The following KCNMA1 variants were observed in gnomAD, a reference collection of about 807,000 sequenced individuals.
KCNMA1 encodes the protein potassium calcium-activated channel subfamily M alpha 1, also known as Calcium-activated potassium channel subunit alpha-1.
In KCNMA1, 29 loss-of-function variants were observed where a neutral mutation model predicts 140.0. The ratio of observed to expected loss-of-function variants is 0.21; its 90% confidence interval spans 0.15 to 0.28. The LOEUF is 0.28. KCNMA1 is among the 10% of genes least tolerant of loss of function. The pLI, the probability that KCNMA1 is intolerant of heterozygous loss-of-function variation, is 1.00. For missense variants in KCNMA1, 880 were observed against 1,602.2 expected, an observed-to-expected ratio of 0.55 and a Z score of 7.70; for synonymous variants, 612 against 611.9, an observed-to-expected ratio of 1.00 and a Z score of 0.00.
At chr10:77,278,607 T>C (rs2067388691) in intron 2 of KCNMA1, among the ~76,000 whole-genome samples, 1 of 152,186 alleles carries the variant, frequency 6.6e-6, no homozygotes, top group Non-Finnish European at 1.5e-5. Flanking sequence ...TGGAAATTTG[T>C]AATGGCAGTG....
chr10:76,948,943 G>A (rs989891686), intron 22 of KCNMA1, 199 bp downstream of exon 22: 2 of 633,200 alleles, frequency 3.2e-6, no homozygotes, highest in African/African-American at 1.8e-5. Context: ...GACTGAACTT[G>A]GCTGCAAATT....
At chr10:76,901,007 T>A (rs564862626) in intron 25 of KCNMA1, among the ~76,000 whole-genome samples, 1 of 152,156 alleles carries the variant, frequency 6.6e-6, no homozygotes, top group African/African-American at 2.4e-5. Context: ...ATAACAAAAA[T>A]TTTTTAAAGC....
At chr10:76,894,084 C>T (rs2041454373) in intron 25 of KCNMA1, among the ~76,000 whole-genome samples, 1 of 152,106 alleles carries the variant, frequency 6.6e-6, no homozygotes, top group Admixed American at 6.5e-5. Context: ...TCAAAACATA[C>T]TACAAGACTA....
At chr10:77,209,268 A>C (rs1215308360) in intron 3 of KCNMA1, among the ~76,000 whole-genome samples, 1 of 152,204 alleles carries the variant, frequency 6.6e-6, no homozygotes, top group Non-Finnish European at 1.5e-5. Flanking sequence ...CTTCATAGGA[A>C]AAAAAATGGT....
chr10:77,542,668 A>G (rs922366311), intron 1 of KCNMA1, among the ~76,000 whole-genome samples: 13 of 152,124 alleles, frequency 8.5e-5, no homozygotes, highest in African/African-American at 3.1e-4. Context: ...ACAAAAAAAC[A>G]AAAACCAATA....
At chr10:77,301,876 C>T (rs2076610120) in intron 2 of KCNMA1, among the ~76,000 whole-genome samples, 1 of 150,684 alleles carries the variant, frequency 6.6e-6, no homozygotes, top group Non-Finnish European at 1.5e-5. Flanking sequence ...CTAATGTTTT[C>T]AACCCATCAG....
intron 21 of KCNMA1, 187 bp from the exon 22 acceptor site, chr10:76,949,553 G>A: frequency 1.6e-6 from 1 of 623,744 alleles, no homozygotes; most frequent in Non-Finnish European, 2.8e-6. Context: ...ACGTGTATAT[G>A]TATTATATTT....
At chr10:76,971,681 CTG>C (rs1009850974) in intron 19 of KCNMA1, among the ~76,000 whole-genome samples, 16 of 152,144 alleles carry the variant, frequency 1.1e-4, no homozygotes, top group Non-Finnish European at 2.9e-5. Context: ...CAGGCCGAGA[CTG>C]TATCAGTCAT....
At position 77,108,872 on chromosome 10, in the gene KCNMA1, A is replaced by C. The variant is rs574799998; in HGVS notation, c.1132-300T>G. ...GATATCTAGTTCTTCTTGCTGAAGA[A>C]AAATAGGCAAGAGGGGGACATGCTA... On this transcript the variant is annotated intron_variant, in intron 8 of 27. Transcript: ENST00000286628. This position sits in a 1 kb window ranked among gnomAD's most constrained non-coding sequence, Gnocchi z 4.6. 2.2e-4 allele frequency among the ~76,000 whole-genome samples: 34 copies of C among 152,148 alleles called. No individual in the cohort carries two copies. The highest frequency in any genetic ancestry group is 4.7e-4 in the Non-Finnish European group (32 of 68,040).
At chr10:77,215,367 C>CTGTTT (rs71028261) in intron 3 of KCNMA1, among the ~76,000 whole-genome samples, 38,341 of 147,098 alleles carry the variant, frequency 0.26, 5,378 homozygotes, top group Non-Finnish European at 0.28. Flanking sequence ...CAGATTGCAC[C>CTGTTT]TGTTTTGTTT....
At chr10:77,405,692 A>T (rs1026335671) in intron 1 of KCNMA1, among the ~76,000 whole-genome samples, 1 of 152,258 alleles carries the variant, frequency 6.6e-6, no homozygotes, top group African/African-American at 2.4e-5. Flanking sequence ...AGATGCCAGC[A>T]AATTATGTTC....
At chr10:76,944,655 G>C in intron 23 of KCNMA1, 118 bp downstream of exon 23, 1 of 932,866 alleles carries the variant, frequency 1.1e-6, no homozygotes, top group Non-Finnish European at 1.7e-6. Context: ...GGTGACCGCA[G>C]GTTTCACTGC....
chr10:77,417,389 C>T (rs1199829174), intron 1 of KCNMA1, among the ~76,000 whole-genome samples: 1 of 152,220 alleles, frequency 6.6e-6, no homozygotes, highest in East Asian at 1.9e-4. Flanking sequence ...TAAATTAAAT[C>T]TCTGCTCAGT....
intron 3 of KCNMA1, among the ~76,000 whole-genome samples, chr10:77,203,817 C>G (rs1452157456): frequency 1.3e-5 from 2 of 152,120 alleles, no homozygotes; most frequent in African/African-American, 4.8e-5. Context: ...TTAAATTAGG[C>G]TAGGCGTGAT....
chr10:77,324,965 CTCTCTCTGTG>C lies in KCNMA1; in HGVS notation c.541-73719_541-73710del, dbSNP rs1234846746. Among the ~76,000 whole-genome samples the C allele has an allele frequency of 2.3e-3, 243 of 106,108 alleles. 3 individuals carry two copies. The highest frequency in any genetic ancestry group is 0.011 in the African/African-American group (230 of 21,618). The allele number at this position is 106,108 out of a possible 152,430, so 69.6% of individuals were successfully genotyped here. A position where few individuals can be genotyped will look rare whatever the true frequency, so the allele number is the denominator to read the frequency against. ...ACTCTCTCTCTCTCTCTCTCTCTCT[CTCTCTCTGTG>C]TGTGTGTGTGTGTGTGTGTGTGTGT... On this transcript the variant is annotated intron_variant, in intron 2 of 27. Transcript: ENST00000286628.
intron 5 of KCNMA1, among the ~76,000 whole-genome samples, chr10:77,135,018 A>AAAAAAAAAAAAAAAAAAAAAAAAAAAAAG (rs2097967826): frequency 6.9e-6 from 1 of 144,366 alleles, no homozygotes; most frequent in African/African-American, 2.5e-5. Flanking sequence ...AAAAAAAAAA[A>AAAAAAAAAAAAAAAAAAAAAAAAAAAAAG]AAAAAAAAAA....
At chr10:76,987,869 C>A (rs1158657264) in intron 19 of KCNMA1, among the ~76,000 whole-genome samples, 1 of 152,082 alleles carries the variant, frequency 6.6e-6, no homozygotes, top group African/African-American at 2.4e-5. Context: ...AACAAGGAAC[C>A]ATCAAAAGGT....
At chr10:77,165,680 T>C (rs984716069) in intron 5 of KCNMA1, among the ~76,000 whole-genome samples, 7 of 152,188 alleles carry the variant, frequency 4.6e-5, no homozygotes, top group Non-Finnish European at 7.3e-5. Flanking sequence ...CGGGGAGTTG[T>C]TTTCCATTTA....
intron 1 of KCNMA1, among the ~76,000 whole-genome samples, chr10:77,503,910 G>T (rs367949673): frequency 6.6e-6 from 1 of 152,122 alleles, no homozygotes; most frequent in Non-Finnish European, 1.5e-5. Flanking sequence ...TTTTCACTGG[G>T]CATTTTCTGT....
Sources: gnomAD v4.1 joint callset for allele counts (sites outside exome capture counted in the v4.1 genomes callset) on GRCh38, gnomAD v4.1.1 for gene constraint, Gnocchi (gnomAD v3.1) non-coding constraint, MANE v1.5 for transcripts, NCBI Gene and HGNC (gene_info 2026-07-23, HGNC 2026-07-21) for gene names.